TBC1D14: variants seen among roughly 807,000 people sequenced by gnomAD.
The protein encoded by TBC1D14 is TBC1 domain family member 14.
Under a neutral mutation model 79.0 loss-of-function variants are expected in TBC1D14, and 26 were observed. The ratio of observed to expected loss-of-function variants is 0.33; its 90% CI spans 0.24 to 0.46. The LOEUF (loss-of-function observed/expected upper bound fraction) is 0.46. Among genes scored for constraint, TBC1D14 ranks in the 20% least tolerant of loss-of-function variants. The probability of loss-of-function intolerance (pLI) is 1.00; values close to 1 mark genes in which losing one functional copy is unlikely to be tolerated. For missense variants in TBC1D14, 769 were observed against 887.6 expected, an observed-to-expected ratio of 0.87 and a Z score of 1.70; for synonymous variants, 394 against 349.9, an observed-to-expected ratio of 1.13 and a Z score of -1.40.
At chr4:7,019,498 T>C (rs1196749485) in intron 12 of TBC1D14, among the ~76,000 whole-genome samples, 2 of 152,136 alleles carry the variant, frequency 1.3e-5, no homozygotes, top group African/African-American at 4.8e-5. Context: ...GTTGGGTCTT[T>C]ATGGGCATGT....
chr4:7,028,501 A>G (rs921067164), intron 13 of TBC1D14, among the ~76,000 whole-genome samples: 2 of 150,620 alleles, frequency 1.3e-5, no homozygotes, highest in Admixed American at 1.3e-4. Flanking sequence ...ATCTTGGCTC[A>G]CTGCAACCTC....
intron 9 of TBC1D14, 119 bp from the exon 10 acceptor site, chr4:7,009,758 A>G: frequency 2.0e-6 from 2 of 996,392 alleles, no homozygotes; most frequent in East Asian, 2.4e-5. Flanking sequence ...CATGCTTGGC[A>G]TATTTCATAA....
At chr4:6,959,167 G>C (rs1052875556) in intron 2 of TBC1D14, among the ~76,000 whole-genome samples, 1 of 152,138 alleles carries the variant, frequency 6.6e-6, no homozygotes, top group African/African-American at 2.4e-5. Flanking sequence ...TTACAGGCGT[G>C]AGCCACCGCG....
At chr4:6,992,829 T>C (rs1560319542) in intron 3 of TBC1D14, among the ~76,000 whole-genome samples, 1 of 152,114 alleles carries the variant, frequency 6.6e-6, no homozygotes, top group Non-Finnish European at 1.5e-5. Context: ...AAGGAATGAG[T>C]CCGTGTTTTC....
chr4:6,956,513 C>T (rs972421768), intron 2 of TBC1D14, among the ~76,000 whole-genome samples: 2 of 152,252 alleles, frequency 1.3e-5, no homozygotes, highest in Non-Finnish European at 1.5e-5. Flanking sequence ...TGCCATTGAG[C>T]GCCTAGAGTG....
chr4:6,970,748 A>G (rs936478196), intron 3 of TBC1D14, among the ~76,000 whole-genome samples: 6 of 145,588 alleles, frequency 4.1e-5, no homozygotes, highest in African/African-American at 1.6e-4. Flanking sequence ...CACACTGGCC[A>G]GGAGCTTTGG....
chr4:6,915,370 G>T (rs1048779331), intron 1 of TBC1D14, among the ~76,000 whole-genome samples: 2 of 152,188 alleles, frequency 1.3e-5, no homozygotes, highest in African/African-American at 2.4e-5. Flanking sequence ...GGGGGTCACT[G>T]CACCTGCTCA....
At chr4:6,941,476 C>T (rs962986179) in intron 2 of TBC1D14, among the ~76,000 whole-genome samples, 58 of 152,208 alleles carry the variant, frequency 3.8e-4, no homozygotes, top group Admixed American at 6.5e-5. Context: ...TGAGCCACTG[C>T]GCCCGGCCAA....
intron 7 of TBC1D14, among the ~76,000 whole-genome samples, chr4:7,003,624 T>C (rs1264278517): frequency 1.3e-5 from 2 of 152,208 alleles, no homozygotes; most frequent in Non-Finnish European, 2.9e-5. Context: ...GAAAATTCCA[T>C]GGGTAGCTGC....
chr4:7,005,057 G>T, intron 8 of TBC1D14, 133 bp downstream of exon 8: 1 of 847,796 alleles, frequency 1.2e-6, no homozygotes. Flanking sequence ...ACGAGAAAAG[G>T]GTTTTTTTTG....
intron 12 of TBC1D14, among the ~76,000 whole-genome samples, chr4:7,015,202 A>T (rs868537006): frequency 6.6e-6 from 1 of 151,634 alleles, no homozygotes; most frequent in Admixed American, 6.6e-5. Context: ...TCTGCTGAGG[A>T]TGAGGGTGGG....
At chr4:6,958,323 T>G (rs1051941296) in intron 2 of TBC1D14, among the ~76,000 whole-genome samples, 4 of 151,502 alleles carry the variant, frequency 2.6e-5, no homozygotes, top group Admixed American at 6.6e-5. Flanking sequence ...CTGACTTCAG[T>G]GAGTCTAGGA....
intron 12 of TBC1D14, among the ~76,000 whole-genome samples, chr4:7,017,085 G>T (rs1721363881): frequency 6.6e-6 from 1 of 152,204 alleles, no homozygotes; most frequent in African/African-American, 2.4e-5. Flanking sequence ...CAGATCACAT[G>T]AGGTCAGGAG....
chr4:7,025,713 C>G (rs572267624), intron 13 of TBC1D14, among the ~76,000 whole-genome samples: 5 of 152,230 alleles, frequency 3.3e-5, no homozygotes, highest in African/African-American at 7.2e-5. Flanking sequence ...CCCCCTCTTA[C>G]AACAAAGGGA....
intron 13 of TBC1D14, among the ~76,000 whole-genome samples, chr4:7,025,663 C>T (rs561942861): frequency 2.6e-4 from 40 of 152,382 alleles, no homozygotes; most frequent in African/African-American, 7.9e-4. Context: ...TGCCCTGTGG[C>T]AGGCTTTTGT....
intron 13 of TBC1D14, among the ~76,000 whole-genome samples, chr4:7,027,779 C>G (rs1162295007): frequency 7.1e-6 from 1 of 141,110 alleles, no homozygotes; most frequent in Non-Finnish European, 1.5e-5. Flanking sequence ...CATCACACAT[C>G]CATACACAAT....
Position 6,911,594 on chromosome 4 carries a change from G to A in TBC1D14, c.-18+1643G>A, listed in dbSNP as rs77441774. On this transcript the variant is annotated intron_variant, in intron 1 of 13. Coordinates refer to ENST00000409757, the MANE Select transcript of TBC1D14 (RefSeq NM_020773.3). The stretch of plus-strand genomic sequence containing the variant: ...CCCCTGTGTTCCTTTAGCCCCTGCA[G>A]TTCCTCTGCATTGGGTCCGCTGTCT... Among the ~76,000 whole-genome samples, 575 of 152,346 alleles carry A rather than the reference G, an allele frequency of 3.8e-3. 4 individuals carry two copies. Among genetic ancestry groups the A allele is most frequent in the African/African-American group, 0.013 (560 of 41,586 alleles).
chr4:6,952,684 T>C (rs1446798044), intron 2 of TBC1D14, among the ~76,000 whole-genome samples: 1 of 152,218 alleles, frequency 6.6e-6, no homozygotes. Flanking sequence ...ACAGGTGTTT[T>C]CTTTTTTAAG....
At chr4:7,027,444 A>G (rs1014305912) in intron 13 of TBC1D14, among the ~76,000 whole-genome samples, 1 of 118,948 alleles carries the variant, frequency 8.4e-6, no homozygotes, top group Admixed American at 1.0e-4. Context: ...CACCCCACAC[A>G]TAGACACGCA....
Sources: allele counts gnomAD v4.1 joint callset (sites outside exome capture counted in the v4.1 genomes callset), GRCh38; gene constraint gnomAD v4.1.1; transcripts MANE v1.5; gene names NCBI Gene and HGNC (gene_info 2026-07-23, HGNC 2026-07-21).